CACNA1S: variants seen among roughly 807,000 people sequenced by gnomAD.
CACNA1S encodes the protein voltage-dependent L-type calcium channel subunit alpha-1S.
In CACNA1S, 126 loss-of-function variants were observed where a neutral mutation model predicts 207.4. The ratio of observed to expected loss-of-function variants is 0.61; its 90% CI spans 0.53 to 0.70. CACNA1S has a LOEUF of 0.70. CACNA1S is among the 30% of genes least tolerant of loss of function. The pLI, the probability that CACNA1S is intolerant of heterozygous loss-of-function variation, is 0.00. For synonymous variants in CACNA1S, 960 were observed against 932.7 expected (o/e 1.03, Z -0.53); for missense variants, 2,349 against 2,422.8 (o/e 0.97, Z 0.64).
chr1:201,059,303 T>C lies in CACNA1S; in HGVS notation c.3415-4A>G, dbSNP rs746278102. On this transcript the variant is annotated splice_polypyrimidine_tract_variant and splice_region_variant and intron_variant, in intron 26 of 43. Coordinates refer to ENST00000362061, the MANE Select transcript of CACNA1S (RefSeq NM_000069.3). ...TCTGCTCCGACTGGTTGTAGTGCTG[T>C]GGAGGGGACACAGGAGCAGTGGGTC... 1.9e-6 allele frequency: 3 copies of C among 1,604,306 alleles called. No homozygotes were observed. Among genetic ancestry groups the C allele is most frequent in the Non-Finnish European group, 2.6e-6 (3 of 1,171,226 alleles).
intron 2 of CACNA1S, among the ~76,000 whole-genome samples, chr1:201,100,072 G>A (rs1352720451): frequency 1.3e-5 from 2 of 152,186 alleles, no homozygotes; most frequent in African/African-American, 2.4e-5. Context: ...ACATTCCCCA[G>A]GCAGGCGGGA....
At chr1:201,040,787 CTTGG>C in intron 41 of CACNA1S, 74 bp from the exon 42 acceptor site, 1 of 1,168,852 alleles carries the variant, frequency 8.6e-7, no homozygotes, top group Non-Finnish European at 1.3e-6. Context: ...CAGAGGCTCG[CTTGG>C]CTGGCTAGCC....
At chr1:201,078,991 T>C (rs1661739043) in intron 10 of CACNA1S, among the ~76,000 whole-genome samples, 1 of 151,652 alleles carries the variant, frequency 6.6e-6, no homozygotes, top group Admixed American at 6.6e-5. Context: ...TGTGGTGGCA[T>C]GAGCCTGTAG....
At chr1:201,051,961 T>C (rs1055779853) in intron 32 of CACNA1S, among the ~76,000 whole-genome samples, 2 of 152,298 alleles carry the variant, frequency 1.3e-5, no homozygotes, top group East Asian at 3.9e-4. Flanking sequence ...TTTGACACGC[T>C]GTGCCAAGAA....
rs777968725 is a variant in CACNA1S, at chr1:201,044,492, C to G, written c.4669-36G>C. On this transcript the variant is annotated intron_variant, in intron 38 of 43. Coordinates refer to ENST00000362061, the MANE Select transcript of CACNA1S (RefSeq NM_000069.3). ...CGAAGGGACTCAGTTATCTCTCCAG[C>G]CCAGGAGAGGAGACCAGAACCACTT... The G allele has an allele frequency of 1.9e-6, 3 of 1,607,118 alleles. No individual in the cohort carries two copies. In the East Asian group the frequency reaches 6.7e-5, roughly 36 times the overall value.
chr1:201,069,658 T>C, intron 17 of CACNA1S, 57 bp from the exon 18 acceptor site: 3 of 1,543,328 alleles, frequency 1.9e-6, no homozygotes, highest in Admixed American at 2.0e-5. Flanking sequence ...GGCTCAGGCC[T>C]CATCAGCCTC....
chr1:201,060,258 T>C (rs1425964492), intron 26 of CACNA1S, among the ~76,000 whole-genome samples: 1 of 152,094 alleles, frequency 6.6e-6, no homozygotes, highest in Non-Finnish European at 1.5e-5. Flanking sequence ...GGTGCTCAAC[T>C]CCCAAGAGAG....
intron 2 of CACNA1S, among the ~76,000 whole-genome samples, chr1:201,100,416 C>T (rs1662610116): frequency 1.3e-5 from 2 of 152,236 alleles, no homozygotes; most frequent in Admixed American, 1.3e-4. Context: ...ACAAACACCT[C>T]AGCCTCCAGG....
chr1:201,062,967 C>T (rs1558063437), intron 22 of CACNA1S, among the ~76,000 whole-genome samples: 1 of 152,202 alleles, frequency 6.6e-6, no homozygotes, highest in Non-Finnish European at 1.5e-5. Flanking sequence ...CACCTCCCAC[C>T]TCCATCCTCC....
At chr1:201,042,626 G>C (rs1453392450) in intron 40 of CACNA1S, among the ~76,000 whole-genome samples, 1 of 152,200 alleles carries the variant, frequency 6.6e-6, no homozygotes, top group East Asian at 1.9e-4. Context: ...TGACTGGAAG[G>C]GGTGCAGGCA....
chr1:201,097,810 A>C (rs1662493938), intron 2 of CACNA1S, among the ~76,000 whole-genome samples: 1 of 152,038 alleles, frequency 6.6e-6, no homozygotes, highest in Non-Finnish European at 1.5e-5. Flanking sequence ...TTGAGAAGGC[A>C]CCGCCAACTG....
chr1:201,059,117 G>A (rs960525031), intron 27 of CACNA1S, 72 bp downstream of exon 27: 2 of 937,886 alleles, frequency 2.1e-6, no homozygotes, highest in Admixed American at 3.6e-5. Flanking sequence ...AGGGATGGGG[G>A]TGGATGTTCC....
intron 14 of CACNA1S, among the ~76,000 whole-genome samples, chr1:201,074,096 T>C (rs1418267823): frequency 6.6e-6 from 1 of 152,058 alleles, no homozygotes; most frequent in Non-Finnish European, 1.5e-5. Context: ...GTCTAGAACC[T>C]AGGTACTTGA....
chr1:201,050,439 A>T lies in CACNA1S; in HGVS notation c.4191T>A (p.His1397Gln), dbSNP rs763505049. 5.0e-6 allele frequency: 8 copies of T among 1,613,974 alleles called. No individual in the cohort carries two copies. The highest frequency in any genetic ancestry group is 5.9e-6 in the Non-Finnish European group (7 of 1,179,988). ...AGATGGCCTTGAACTCATCCAGGTG[A>T]TGAGGGCCCAGGATGGACCAGTCCC... ...LTRDWSILGP[H>Q]HLDEFKAIWA... The change falls in exon 34 of 44, where the codon CAT (histidine) becomes CAA (glutamine). Residue 1397 changes from histidine to glutamine, a missense_variant. Coordinates refer to ENST00000362061, the MANE Select transcript of CACNA1S (RefSeq NM_000069.3).
intron 2 of CACNA1S, among the ~76,000 whole-genome samples, chr1:201,100,515 T>A (rs1385716486): frequency 1.3e-5 from 2 of 152,300 alleles, no homozygotes; most frequent in East Asian, 3.9e-4. Context: ...GGAATGGGTA[T>A]CCCTTGCCAT....
At chr1:201,106,081 A>C (rs1382344784) in intron 2 of CACNA1S, among the ~76,000 whole-genome samples, 1 of 151,444 alleles carries the variant, frequency 6.6e-6, no homozygotes, top group Admixed American at 6.6e-5. Context: ...CCCTACCCCC[A>C]TCTGCAGTCT....
chr1:201,047,473 A>G, intron 37 of CACNA1S, 52 bp downstream of exon 37: 1 of 1,468,380 alleles, frequency 6.8e-7, no homozygotes, highest in East Asian at 2.3e-5. Flanking sequence ...GAAGCTCCCC[A>G]CTCCCATTCC....
chr1:201,059,974 C>T (rs1168312179), intron 26 of CACNA1S, among the ~76,000 whole-genome samples: 1 of 152,248 alleles, frequency 6.6e-6, no homozygotes, highest in African/African-American at 2.4e-5. Flanking sequence ...CTCCACCCTG[C>T]CCTGCCTTGG....
rs1660628086 is a variant in CACNA1S, at chr1:201,050,998, G to A, written c.4099C>T (p.Leu1367Phe). The change falls in exon 33 of 44, where the codon CTC (leucine) becomes TTC (phenylalanine). Residue 1367 changes from leucine (L) to phenylalanine (F), a missense_variant. Leu to Phe is a conservative substitution (Grantham distance 22). Coordinates refer to ENST00000362061, the MANE Select transcript of CACNA1S (RefSeq NM_000069.3). ...AYYYFISFYM[L>F]CAFLVINLFV... is the part of the protein sequence containing the mutation. ...CAGCATCTCACCAGGAAGGCACAGA[G>A]CATGTAGAAGCTGATGAAGTAGTAG... The A allele has an allele frequency of 1.9e-6, 3 of 1,614,096 alleles. No individual in the cohort carries two copies. The highest frequency in any genetic ancestry group is 1.3e-5 in the African/African-American group (1 of 74,948).
Sources: gnomAD v4.1 joint callset for allele counts (sites outside exome capture counted in the v4.1 genomes callset) on GRCh38, gnomAD v4.1.1 for gene constraint, MANE v1.5 for transcripts, NCBI Gene and HGNC (gene_info 2026-07-23, HGNC 2026-07-21) for gene names.